Variants in TSHB observed in about 807,000 individuals in gnomAD.
TSHB encodes the protein thyrotropin subunit beta.
Under a neutral mutation model 9.3 loss-of-function variants are expected in TSHB, and 9 were observed. The ratio of observed to expected loss-of-function variants is 0.97; its 90% confidence interval spans 0.58 to 1.69. TSHB has a LOEUF of 1.69. Among genes scored for constraint, TSHB ranks in the 40% most tolerant of loss-of-function variants. The probability of loss-of-function intolerance (pLI) is 0.00; values close to 1 mark genes in which losing one functional copy is unlikely to be tolerated. For missense variants in TSHB, 182 were observed against 168.5 expected (o/e 1.08, Z -0.44); for synonymous variants, 57 against 57.2 (o/e 1.00, Z 0.01).
At chr1:115,033,234 C>A in intron 1 of TSHB, 128 bp from the exon 2 acceptor site, 2 of 879,272 alleles carry the variant, frequency 2.3e-6, no homozygotes, top group Non-Finnish European at 3.5e-6. Flanking sequence ...CTTCCTTGAC[C>A]AAATGGTAGA....
Position 115,033,449 on chromosome 1 carries a change from G to A in TSHB, c.87G>A (p.Met29Ile). Residue 29 changes from methionine to isoleucine, a missense_variant, in exon 2 of 3, where the codon ATG (methionine) becomes ATA (isoleucine). Coordinates refer to ENST00000256592, the MANE Select transcript of TSHB (RefSeq NM_000549.5). ...MSFCIPTEYTMHIERRECAYC... is the reference protein window; with the variant it reads ...MSFCIPTEYTIHIERRECAYC... ...TTTGTATTCCAACTGAGTATACAAT[G>A]CACATCGAAAGGAGAGAGTGTGCTT... The A allele has an allele frequency of 6.2e-7, 1 of 1,612,852 alleles. No individual in the cohort carries two copies. Among genetic ancestry groups the A allele is most frequent in the South Asian group, 1.1e-5 (1 of 91,056 alleles).
At chr1:115,033,257 A>G in intron 1 of TSHB, 105 bp from the exon 2 acceptor site, 1 of 1,009,470 alleles carries the variant, frequency 9.9e-7, no homozygotes, top group Admixed American at 2.0e-5. Context: ...TATAAGCATG[A>G]TCATATGCAT....
rs554574053 is a variant in TSHB at position 115,029,868 on chromosome 1, T to C, written c.-2+8T>C. The C allele has an allele frequency of 6.6e-6, 1 of 152,610 alleles. No individual in the cohort carries two copies. Among genetic ancestry groups the C allele is most frequent in the South Asian group, 2.1e-4 (1 of 4,826 alleles). 9.5% of individuals were successfully genotyped at this position (152,610 alleles called of 1,614,324 possible). On this transcript the variant is annotated splice_region_variant and intron_variant, in intron 1 of 2. Transcript: ENST00000256592. ...TCACCAATGCAAAGTAAGGTAGGTG[T>C]CTATAGTGAGAAGGCTCTGTGAAAT...
At position 115,030,335 on chromosome 1, in the gene TSHB, C is replaced by A. The variant is rs537369505; in HGVS notation, c.-2+475C>A. Among the ~76,000 whole-genome samples, 6 of 152,102 alleles carry A rather than the reference C, an allele frequency of 3.9e-5. No individual in the cohort carries two copies. In the South Asian group the frequency reaches 1.2e-3, roughly 32 times the overall value. On this transcript the variant is annotated intron_variant, in intron 1 of 2. Coordinates refer to ENST00000256592, the MANE Select transcript of TSHB (RefSeq NM_000549.5). ...TTTAGTTATTTAATAGCTAAACCTC[C>A]TTTGATAGTGTTCAACACACACACA...
At chr1:115,032,601 TA>T (rs1002828163) in intron 1 of TSHB, among the ~76,000 whole-genome samples, 1 of 151,904 alleles carries the variant, frequency 6.6e-6, no homozygotes, top group African/African-American at 2.4e-5. Context: ...TTTGTAAGAT[TA>T]AAAAAATTCT....
At chr1:115,033,889 A>C (rs985372562) in intron 2 of TSHB, 84 bp from the exon 3 acceptor site, 5 of 1,548,352 alleles carry the variant, frequency 3.2e-6, no homozygotes, top group Non-Finnish European at 4.4e-6. Context: ...AAGGAATATA[A>C]GTGAATTTAT....
At chr1:115,033,219 G>T (rs539916727) in intron 1 of TSHB, 143 bp from the exon 2 acceptor site, 3 of 759,078 alleles carry the variant, frequency 4.0e-6, no homozygotes, top group Non-Finnish European at 6.4e-6. Flanking sequence ...TTATCTTTCT[G>T]GTGTCTTCCT....
chr1:115,031,939 G>C (rs73006225), intron 1 of TSHB, among the ~76,000 whole-genome samples: 5,069 of 152,084 alleles, frequency 0.033, 277 homozygotes, highest in African/African-American at 0.12. Flanking sequence ...AAATGGGTTA[G>C]TTTACTTTCT....
chr1:115,033,372 C>T lies in TSHB; in HGVS notation c.10C>T (p.Leu4Phe), dbSNP rs760078611. MTA[L>F]FLMSMLFGLT... The stretch of plus-strand genomic sequence containing the variant: ...TTATCTTTGATTTAGCATGACTGCT[C>T]TCTTTCTGATGTCCATGCTTTTTGG... The change falls in exon 2 of 3, where the codon CTC becomes TTC. Residue 4 changes from leucine to phenylalanine, a missense_variant. Coordinates refer to ENST00000256592, the MANE Select transcript of TSHB (RefSeq NM_000549.5). 8 of 1,613,228 alleles carry T rather than the reference C, an allele frequency of 5.0e-6. No individual in the cohort carries two copies. Among genetic ancestry groups the T allele is most frequent in the Non-Finnish European group, 5.9e-6 (7 of 1,179,442 alleles).
intron 1 of TSHB, among the ~76,000 whole-genome samples, chr1:115,032,010 T>G (rs1002647241): frequency 5.9e-5 from 9 of 152,040 alleles, no homozygotes; most frequent in African/African-American, 1.7e-4. Flanking sequence ...AAAGTCTTAA[T>G]TTGGACTCTT....
chr1:115,034,185 TA>T lies in TSHB; in HGVS notation c.376del (p.Thr126ProfsTer9), dbSNP rs1302319369. 6.2e-7 allele frequency: 1 copy of T among 1,613,814 alleles called. No homozygotes were observed. Among genetic ancestry groups the T allele is most frequent in the East Asian group, 2.2e-5 (1 of 44,864 alleles). ...IHEAIKTNYCTKPQKSYLVGF... is the reference protein window; with the variant it reads ...IHEAIKTNYCXKPQKSYLVGF... ...ATGAAGCCATCAAGACAAACTACTG[TA>T]CCAAACCTCAGAAGTCTTATCTGGT... On this transcript the variant is annotated frameshift_variant, in exon 3 of 3. Transcript: ENST00000256592. LOFTEE classifies it high-confidence loss of function.
intron 1 of TSHB, among the ~76,000 whole-genome samples, chr1:115,032,168 T>C (rs942137790): frequency 7.2e-5 from 11 of 152,032 alleles, no homozygotes; most frequent in African/African-American, 2.7e-4. Flanking sequence ...GTTTATCTAA[T>C]TTATCTACAA....
chr1:115,032,960 TA>T (rs1264891748), intron 1 of TSHB, among the ~76,000 whole-genome samples: 3 of 151,560 alleles, frequency 2.0e-5, no homozygotes, highest in African/African-American at 7.3e-5. Context: ...GGCTAACCCA[TA>T]ATGGAGCTGT....
intron 1 of TSHB, among the ~76,000 whole-genome samples, chr1:115,030,394 A>G (rs928854709): frequency 5.9e-5 from 9 of 152,078 alleles, no homozygotes; most frequent in Non-Finnish European, 1.3e-4. Context: ...TTCTAGAAAA[A>G]TATACTGCTT....
chr1:115,033,207 C>A, intron 1 of TSHB, 155 bp from the exon 2 acceptor site: 1 of 246,306 alleles, frequency 4.1e-6, no homozygotes, highest in Non-Finnish European at 6.5e-6. Flanking sequence ...CTTTTTTGGA[C>A]TTTATCTTTC....
At chr1:115,030,109 A>G (rs1238622808) in intron 1 of TSHB, among the ~76,000 whole-genome samples, 1 of 152,054 alleles carries the variant, frequency 6.6e-6, no homozygotes, top group South Asian at 2.1e-4. Flanking sequence ...TAGTTCCCTA[A>G]TGAAGGATAT....
Position 115,033,495 on chromosome 1 carries a change from A to G in TSHB, c.133A>G (p.Thr45Ala), listed in dbSNP as rs1287684711. 5 of 1,613,126 alleles carry G rather than the reference A, an allele frequency of 3.1e-6. No individual in the cohort carries two copies. The South Asian group carries it at 4.4e-5, about 14-fold the overall frequency. The change falls in exon 2 of 3, where the codon ACC becomes GCC. Residue 45 changes from threonine to alanine, a missense_variant. Transcript: ENST00000256592. ...TGCTTATTGCCTAACCATCAACACC[A>G]CCATCTGTGCTGGATATTGTATGAC... ...ECAYCLTINT[T>A]ICAGYCMTRD...
In TSHB at chr1:115,034,084, G is replaced by T; in HGVS notation, c.274G>T (p.Ala92Ser). The T allele has an allele frequency of 6.2e-7, 1 of 1,613,768 alleles. No homozygotes were observed. Among genetic ancestry groups the T allele is most frequent in the Non-Finnish European group, 8.5e-7 (1 of 1,179,770 alleles). Residue 92 changes from alanine (A) to serine (S), a missense_variant, in exon 3 of 3, where the codon GCT becomes TCT. Physicochemically the swap from Ala to Ser is moderately conservative, Grantham distance 99. Transcript: ENST00000256592. Reference protein sequence around the residue: ...VEIPGCPLHVAPYFSYPVALS... With the variant: ...VEIPGCPLHVSPYFSYPVALS... ...AATACCAGGATGCCCACTCCATGTT[G>T]CTCCCTATTTTTCCTATCCTGTTGC...
intron 1 of TSHB, among the ~76,000 whole-genome samples, chr1:115,031,413 G>A (rs1044280695): frequency 1.3e-5 from 2 of 151,954 alleles, no homozygotes; most frequent in Admixed American, 6.6e-5. Context: ...TTGCAGATGG[G>A]GAAATAACAC....
Sources: allele counts gnomAD v4.1 joint callset (sites outside exome capture counted in the v4.1 genomes callset), GRCh38; gene constraint gnomAD v4.1.1; transcripts MANE v1.5; gene names NCBI Gene and HGNC (gene_info 2026-07-23, HGNC 2026-07-21).